Variants in SCARA5 observed in about 807,000 individuals in gnomAD.
SCARA5 encodes scavenger receptor class A, member 5 (putative).
SCARA5 carries 45 observed loss-of-function variants against 46.3 expected under a neutral mutation model. That is an observed-to-expected ratio of 0.97 (90% confidence interval 0.76 to 1.24). The LOEUF (loss-of-function observed/expected upper bound fraction) is 1.24, where lower values mean the gene tolerates loss of function less well. Among genes scored for constraint, SCARA5 ranks in the 50% most tolerant of loss-of-function variants. The pLI, the probability that SCARA5 is intolerant of heterozygous loss-of-function variation, is 0.00. For synonymous variants in SCARA5, 333 were observed against 306.5 expected (o/e 1.09, Z -0.90); for missense variants, 680 against 689.0 (o/e 0.99, Z 0.15).
chr8:27,962,163 A>T (rs1238464822), intron 3 of SCARA5, among the ~76,000 whole-genome samples: 1 of 152,232 alleles, frequency 6.6e-6, no homozygotes, highest in African/African-American at 2.4e-5. Flanking sequence ...AAGTCTCTAT[A>T]CTTGCTGCAG....
chr8:27,907,313 G>T (rs1807279907), intron 5 of SCARA5, 67 bp from the exon 6 acceptor site: 3 of 1,207,688 alleles, frequency 2.5e-6, no homozygotes, highest in African/African-American at 1.5e-5. Context: ...AGAGGTCATC[G>T]TCGGGTTCAA....
At chr8:27,923,692 C>T (rs780524743) in intron 3 of SCARA5, among the ~76,000 whole-genome samples, 7 of 152,272 alleles carry the variant, frequency 4.6e-5, no homozygotes, top group Non-Finnish European at 5.9e-5. Flanking sequence ...TCTCCTGCCT[C>T]GGCCTCCCAA....
intron 6 of SCARA5, 65 bp from the exon 7 acceptor site, chr8:27,904,899 C>T (rs1807226587): frequency 7.4e-7 from 1 of 1,354,106 alleles, no homozygotes; most frequent in Non-Finnish European, 1.0e-6. Flanking sequence ...TAAAATATTA[C>T]CTGCAGGAGA....
At chr8:27,978,141 C>T (rs1453174422) in intron 2 of SCARA5, among the ~76,000 whole-genome samples, 2 of 150,934 alleles carry the variant, frequency 1.3e-5, no homozygotes, top group East Asian at 3.9e-4. Context: ...ATGATCCTGC[C>T]TCAGCCTCCC....
At chr8:27,984,931 T>G (rs950165435) in intron 2 of SCARA5, among the ~76,000 whole-genome samples, 1 of 151,900 alleles carries the variant, frequency 6.6e-6, no homozygotes, top group Non-Finnish European at 1.5e-5. Flanking sequence ...ATTCACCCAT[T>G]CATCCATCCA....
intron 3 of SCARA5, among the ~76,000 whole-genome samples, chr8:27,927,532 T>C (rs558091171): frequency 1.9e-3 from 286 of 152,330 alleles, no homozygotes; most frequent in Non-Finnish European, 3.1e-3. Context: ...TTGTAATCAT[T>C]TTATAAGCAT....
chr8:27,883,890 C>T (rs1315106125), intron 7 of SCARA5, among the ~76,000 whole-genome samples: 1 of 152,116 alleles, frequency 6.6e-6, no homozygotes, highest in Non-Finnish European at 1.5e-5. Context: ...TTTGTTTTTC[C>T]TTTATCTTGT....
intron 3 of SCARA5, among the ~76,000 whole-genome samples, chr8:27,938,002 C>A (rs535167484): frequency 1.8e-4 from 28 of 152,230 alleles, no homozygotes; most frequent in African/African-American, 6.7e-4. Context: ...ACAATTCAGT[C>A]CATAACTAGC....
intron 3 of SCARA5, among the ~76,000 whole-genome samples, chr8:27,958,818 G>A (rs1399359043): frequency 6.6e-6 from 1 of 152,188 alleles, no homozygotes; most frequent in African/African-American, 2.4e-5. Flanking sequence ...ACTAGGCAAT[G>A]GTTTCCTTTG....
chr8:27,948,995 G>T (rs1318277568), intron 3 of SCARA5, among the ~76,000 whole-genome samples: 1 of 152,262 alleles, frequency 6.6e-6, no homozygotes, highest in African/African-American at 2.4e-5. Flanking sequence ...AGCGGGTGGA[G>T]CCCACAATTG....
intron 8 of SCARA5, among the ~76,000 whole-genome samples, chr8:27,872,691 G>A (rs79405562): frequency 3.9e-5 from 6 of 152,308 alleles, no homozygotes; most frequent in South Asian, 2.1e-4. Context: ...CAGATTAAAC[G>A]TCTCCTGGAA....
At chr8:27,946,555 T>A (rs1808039957) in intron 3 of SCARA5, among the ~76,000 whole-genome samples, 2 of 152,232 alleles carry the variant, frequency 1.3e-5, no homozygotes, top group South Asian at 4.1e-4. Flanking sequence ...AGTAACTACA[T>A]CTATTGTTTA....
chr8:27,898,455 G>A (rs1807098950), intron 7 of SCARA5, among the ~76,000 whole-genome samples: 1 of 152,222 alleles, frequency 6.6e-6, no homozygotes, highest in Admixed American at 6.5e-5. Flanking sequence ...AGCCAGTGAG[G>A]TGAAAACAGG....
At chr8:27,928,179 T>C (rs1219150366) in intron 3 of SCARA5, among the ~76,000 whole-genome samples, 1 of 152,214 alleles carries the variant, frequency 6.6e-6, no homozygotes, top group Non-Finnish European at 1.5e-5. Context: ...CCTCATTTAA[T>C]TCCTTCCAGA....
intron 4 of SCARA5, among the ~76,000 whole-genome samples, chr8:27,913,374 G>A (rs184904334): frequency 2.0e-5 from 3 of 152,290 alleles, no homozygotes; most frequent in Non-Finnish European, 1.5e-5. Flanking sequence ...AGGACCAAGT[G>A]ATCTTTAAAT....
intron 3 of SCARA5, among the ~76,000 whole-genome samples, chr8:27,941,707 C>T (rs1216420981): frequency 6.6e-6 from 1 of 151,940 alleles, no homozygotes; most frequent in East Asian, 1.9e-4. Context: ...GAACTCCAAA[C>T]AGATGTATAG....
At chr8:27,933,521 T>TA (rs10660825) in intron 3 of SCARA5, among the ~76,000 whole-genome samples, 8,614 of 130,838 alleles carry the variant, frequency 0.066, 818 homozygotes, top group African/African-American at 0.2. Flanking sequence ...GACTCCATCT[T>TA]AAAAAAAAAA....
intron 2 of SCARA5, among the ~76,000 whole-genome samples, chr8:27,984,911 T>TCATTCATC (rs773004101): frequency 1.9e-4 from 29 of 152,034 alleles, no homozygotes; most frequent in Non-Finnish European, 4.3e-4. Flanking sequence ...ATCCATTTAT[T>TCATTCATC]CATTCATCCA....
intron 3 of SCARA5, among the ~76,000 whole-genome samples, chr8:27,938,979 A>G (rs980946788): frequency 6.6e-6 from 1 of 152,232 alleles, no homozygotes; most frequent in Non-Finnish European, 1.5e-5. Context: ...TTTATGGAAT[A>G]AGTGGGTCCT....
Sources: gnomAD v4.1 joint callset for allele counts (sites outside exome capture counted in the v4.1 genomes callset) on GRCh38, gnomAD v4.1.1 for gene constraint, MANE v1.5 for transcripts, NCBI Gene and HGNC (gene_info 2026-07-23, HGNC 2026-07-21) for gene names.